Variants in ZNF33B observed in about 807,000 individuals in gnomAD.
The protein encoded by ZNF33B is zinc finger protein 33B.
ZNF33B carries 29 observed loss-of-function variants against 45.8 expected under a neutral mutation model. That is an observed-to-expected ratio of 0.63 (90% CI 0.47 to 0.86). The LOEUF is 0.86. ZNF33B is among the 40% of genes least tolerant of loss of function. The probability of loss-of-function intolerance (pLI) is 0.00; values close to 1 mark genes in which losing one functional copy is unlikely to be tolerated. For missense variants in ZNF33B, 831 were observed against 909.9 expected (o/e 0.91, Z 1.12); for synonymous variants, 305 against 307.8 (o/e 0.99, Z 0.10).
rs552007585 is a variant in ZNF33B, at chr10:42,579,297, A to G, written c.74-4619T>C. Among the ~76,000 whole-genome samples the G allele has an allele frequency of 4.6e-5, 7 of 152,248 alleles. No homozygotes were observed. The East Asian group carries it at 1.2e-3, about 25-fold the overall frequency. ...GATGCTGAGGCTTGGGGAACGATTG[A>G]TTCTGTTATTCATGTAGTGAGCATA... On this transcript the variant is annotated intron_variant, in intron 1 of 1. Transcript: ENST00000462075.
intron 4 of ZNF33B, among the ~76,000 whole-genome samples, chr10:42,630,159 G>A (rs1207941892): frequency 1.3e-5 from 2 of 151,996 alleles, no homozygotes; most frequent in Non-Finnish European, 1.5e-5. Flanking sequence ...ATTTTTAAAG[G>A]TAGGTTTGCT....
chr10:42,586,278 C>G (rs1487472073), downstream of ZNF33B, among the ~76,000 whole-genome samples: 1 of 151,474 alleles, frequency 6.6e-6, no homozygotes, highest in African/African-American at 2.4e-5. Flanking sequence ...CTCAGCCTCC[C>G]GAGTAGCTCG....
rs573702825 is a variant in ZNF33B at position 42,575,839 on chromosome 10, C to T, written c.74-1161G>A. Among the ~76,000 whole-genome samples the T allele has an allele frequency of 1.0e-3, 153 of 151,398 alleles. No homozygotes were observed. The Middle Eastern group carries it at 0.01, about 10-fold the overall frequency. ...TCTGCTTCAGGGCTCAAGCGATTCTCGTGCCTCAGCCTCCCCAGTAGCTGG... is the reference window on the plus strand; with the variant it reads ...TCTGCTTCAGGGCTCAAGCGATTCTTGTGCCTCAGCCTCCCCAGTAGCTGG... On this transcript the variant is annotated intron_variant, in intron 1 of 1. Coordinates refer to the ZNF33B transcript ENST00000462075.
At position 42,632,419 on chromosome 10, in the gene ZNF33B, C is replaced by A; in HGVS notation, c.30G>T (p.Gly10=). MNKVDQKFQ[G]SVSFKDVTVG... ...CAGTCACATCTTTAAATGATACTGA[C>A]CCCTGGAACTTCTGATCTACCTGAA... Residue 10 remains glycine (G), a synonymous_variant, in exon 3 of 5, where the codon GGG becomes GGT. Coordinates refer to ENST00000359467, the MANE Select transcript of ZNF33B (RefSeq NM_006955.3). 2 of 1,613,436 alleles carry A rather than the reference C, an allele frequency of 1.2e-6. No homozygotes were observed. The highest frequency in any genetic ancestry group is 1.7e-6 in the Non-Finnish European group (2 of 1,179,876).
chr10:42,605,404 T>G (rs569491013), intron 4 of ZNF33B: 1 of 151,670 alleles, frequency 6.6e-6, no homozygotes, highest in East Asian at 1.9e-4. Context: ...TCAGAGACAG[T>G]AGAGGCCAGA....
intron 4 of ZNF33B, among the ~76,000 whole-genome samples, chr10:42,604,579 A>G (rs1436818415): frequency 6.6e-6 from 1 of 152,202 alleles, no homozygotes; most frequent in Non-Finnish European, 1.5e-5. Context: ...TTCTGGATTC[A>G]AAAATTATAA....
chr10:42,586,803 C>T (rs1836945132), downstream of ZNF33B, among the ~76,000 whole-genome samples: 1 of 152,196 alleles, frequency 6.6e-6, no homozygotes, highest in Non-Finnish European at 1.5e-5. Flanking sequence ...GCCAAATTTC[C>T]AAGAGACATT....
intron 4 of ZNF33B, among the ~76,000 whole-genome samples, chr10:42,631,142 C>T (rs1278110824): frequency 6.6e-6 from 1 of 152,122 alleles, no homozygotes; most frequent in African/African-American, 2.4e-5. Context: ...CCACAGAACA[C>T]TTAATATACA....
At chr10:42,599,823 TTGTA>T (rs1416464870) in intron 4 of ZNF33B, among the ~76,000 whole-genome samples, 3 of 152,026 alleles carry the variant, frequency 2.0e-5, no homozygotes, top group Non-Finnish European at 4.4e-5. Flanking sequence ...TCAATGAGTA[TTGTA>T]TGTATTTTAT....
chr10:42,623,852 C>A (rs1838691896), intron 4 of ZNF33B, among the ~76,000 whole-genome samples: 1 of 152,178 alleles, frequency 6.6e-6, no homozygotes, highest in South Asian at 2.1e-4. Context: ...ACACACAAAA[C>A]AATATATTGT....
downstream of ZNF33B, among the ~76,000 whole-genome samples, chr10:42,586,732 T>G (rs1426035508): frequency 1.3e-5 from 2 of 152,230 alleles, no homozygotes; most frequent in Non-Finnish European, 2.9e-5. Context: ...GAGTTTGATT[T>G]TTTCAGTAGC....
At position 42,593,657 on chromosome 10, in the gene ZNF33B, A is replaced by G. The variant is rs1348426243; in HGVS notation, c.1293T>C (p.His431=). 7.4e-6 allele frequency: 12 copies of G among 1,613,976 alleles called. No individual in the cohort carries two copies. The highest frequency in any genetic ancestry group is 1.0e-5 in the Non-Finnish European group (12 of 1,179,966). Residue 431 remains histidine (H), a synonymous_variant, in exon 5 of 5, where the codon CAT becomes CAC. Coordinates refer to ENST00000359467, the MANE Select transcript of ZNF33B (RefSeq NM_006955.3). ...GTTTCTGCCCTGTGTGTGTTCTCTG[A>G]TGTTTAGTGAGGTCAGATTTCTGGT... ...TFYQKSDLTK[H]QRTHTGQKPY...
chr10:42,627,787 T>A (rs1305790320), intron 4 of ZNF33B, among the ~76,000 whole-genome samples: 1 of 152,172 alleles, frequency 6.6e-6, no homozygotes, highest in Non-Finnish European at 1.5e-5. Context: ...CTCCAGATGT[T>A]ATTTAGAAGT....
At chr10:42,599,189 A>G (rs141865182) in intron 4 of ZNF33B, among the ~76,000 whole-genome samples, 1,829 of 152,166 alleles carry the variant, frequency 0.012, 36 homozygotes, top group African/African-American at 0.042. Context: ...CTTATTTTTG[A>G]TATTGATAAT....
intron 4 of ZNF33B, among the ~76,000 whole-genome samples, chr10:42,610,672 C>A (rs1046989120): frequency 6.6e-6 from 1 of 152,054 alleles, no homozygotes; most frequent in African/African-American, 2.4e-5. Context: ...TTAAAGACAG[C>A]CTAAATAAAT....
At chr10:42,587,454 C>A (rs868097372), downstream of ZNF33B, among the ~76,000 whole-genome samples, 3 of 152,104 alleles carry the variant, frequency 2.0e-5, no homozygotes, top group African/African-American at 7.2e-5. Flanking sequence ...GCCCCAGCCT[C>A]CCAAAATGCT....
intron 4 of ZNF33B, among the ~76,000 whole-genome samples, chr10:42,607,276 G>C (rs963562049): frequency 6.7e-6 from 1 of 150,118 alleles, no homozygotes; most frequent in African/African-American, 2.5e-5. Context: ...TTTTCAAAGA[G>C]ACATAGTAAT....
chr10:42,627,466 C>A (rs1838862168), intron 4 of ZNF33B, among the ~76,000 whole-genome samples: 2 of 152,024 alleles, frequency 1.3e-5, no homozygotes, highest in Non-Finnish European at 1.5e-5. Flanking sequence ...CAATTTTATT[C>A]TTTTCCACAG....
At chr10:42,635,809 CAAAA>C (rs35517157) in intron 2 of ZNF33B, among the ~76,000 whole-genome samples, 3 of 102,898 alleles carry the variant, frequency 2.9e-5, no homozygotes, top group Middle Eastern at 6.1e-3. Context: ...ACTCTGTATC[CAAAA>C]AAAAAAAAAA....
Sources: gnomAD v4.1 joint callset for allele counts (sites outside exome capture counted in the v4.1 genomes callset) on GRCh38, gnomAD v4.1.1 for gene constraint, MANE v1.5 for transcripts, NCBI Gene and HGNC (gene_info 2026-07-23, HGNC 2026-07-21) for gene names.